EFR3A: variants seen among roughly 807,000 people sequenced by gnomAD.
EFR3A encodes protein EFR3 homolog A.
A neutral mutation model predicts 104.4 loss-of-function variants in EFR3A; 76 were observed. That is an observed-to-expected ratio of 0.73 (90% CI 0.60 to 0.88). The LOEUF (loss-of-function observed/expected upper bound fraction) is 0.88, where lower values mean the gene tolerates loss of function less well. EFR3A is among the 40% of genes least tolerant of loss of function. The pLI is 0.00. For synonymous variants in EFR3A, 330 were observed against 330.0 expected (o/e 1.00, Z 0.00); for missense variants, 985 against 1,012.5 (o/e 0.97, Z 0.37).
intron 7 of EFR3A, among the ~76,000 whole-genome samples, chr8:131,956,418 A>G (rs970538914): frequency 4.6e-5 from 7 of 152,160 alleles, no homozygotes; most frequent in South Asian, 2.1e-4. Flanking sequence ...CCTCCAGGCA[A>G]AATATGTTAA....
chr8:131,984,940 T>C lies in EFR3A; in HGVS notation c.1749T>C (p.Ile583=). The C allele has an allele frequency of 6.2e-7, 1 of 1,613,422 alleles. No homozygotes were observed. Residue 583 remains isoleucine, a synonymous_variant, in exon 16 of 23, where the codon ATT becomes ATC. Coordinates refer to ENST00000254624, the MANE Select transcript of EFR3A (RefSeq NM_015137.6). ...RLAIALQDSA[I]INEDNLPMFH... ...GTTTCTTATTAAAGGACAGTGCAAT[T>C]ATCAATGAGGATAATTTGCCAATGT... is the stretch of plus-strand genomic sequence containing the variant.
chr8:131,933,656 A>G (rs1420366560), intron 1 of EFR3A, among the ~76,000 whole-genome samples: 1 of 152,110 alleles, frequency 6.6e-6, no homozygotes, highest in Non-Finnish European at 1.5e-5. Context: ...ATATACAGTA[A>G]AGTTAAATTG....
chr8:131,932,777 A>T (rs768476433), intron 1 of EFR3A, among the ~76,000 whole-genome samples: 7 of 152,136 alleles, frequency 4.6e-5, no homozygotes, highest in Non-Finnish European at 1.0e-4. Flanking sequence ...TATTTTTGCC[A>T]ACAAGTGCTT....
chr8:131,914,117 T>A (rs1368066241), intron 1 of EFR3A, among the ~76,000 whole-genome samples: 2 of 152,212 alleles, frequency 1.3e-5, no homozygotes, highest in Non-Finnish European at 2.9e-5. Flanking sequence ...CTGCTGCAGC[T>A]GGCTCTAGAA....
At chr8:131,961,469 A>C (rs1010211293) in intron 8 of EFR3A, among the ~76,000 whole-genome samples, 59 of 152,354 alleles carry the variant, frequency 3.9e-4, no homozygotes, top group African/African-American at 1.0e-3. Context: ...CAGTGATGGA[A>C]GATCAAATGA....
At chr8:132,007,490 T>G (rs1026427270) in intron 22 of EFR3A, among the ~76,000 whole-genome samples, 1 of 151,900 alleles carries the variant, frequency 6.6e-6, no homozygotes, top group Non-Finnish European at 1.5e-5. Context: ...AAAGGAGAGA[T>G]ATACCATGTT....
At position 132,012,237 on chromosome 8, in the gene EFR3A, T is replaced by TA. The variant is rs1480658910; in HGVS notation, c.*1348dup. 2.6e-5 allele frequency: 4 copies of TA among 152,190 alleles called. No homozygotes were observed. Among genetic ancestry groups the TA allele is most frequent in the Non-Finnish European group, 5.9e-5 (4 of 68,030 alleles). The allele number at this position is 152,190 out of a possible 1,614,324, so 9.4% of individuals were successfully genotyped here. A position where few individuals can be genotyped will look rare whatever the true frequency, so the allele number is the denominator to read the frequency against. ...TTAATTTTTGGCTTTTGTTTTTGTT[T>TA]AAAAAATTGCAGTGAAGAATGGGAT... On this transcript the variant is annotated 3_prime_UTR_variant, in exon 23 of 23. Coordinates refer to ENST00000254624, the MANE Select transcript of EFR3A (RefSeq NM_015137.6).
Position 131,938,251 on chromosome 8 carries a change from A to C in EFR3A, c.11-2248A>C, listed in dbSNP as rs936733686. On this transcript the variant is annotated intron_variant, in intron 1 of 22. Transcript: ENST00000254624. Reference sequence around the variant, plus strand: ...TGAAGGACTATGTTCAGGTACCTGCAGCTGAACTCGAAAAGCCTTATGAAT... The same window carrying C: ...TGAAGGACTATGTTCAGGTACCTGCCGCTGAACTCGAAAAGCCTTATGAAT... The C allele has an allele frequency of 7.3e-5, 29 of 397,912 alleles. No individual in the cohort carries two copies. In the East Asian group the frequency reaches 1.0e-3, roughly 14 times the overall value. 24.6% of individuals were successfully genotyped at this position (397,912 alleles called of 1,614,324 possible).
intron 13 of EFR3A, 57 bp from the exon 14 acceptor site, chr8:131,979,287 GAT>G (rs1820481024): frequency 6.4e-6 from 8 of 1,250,352 alleles, no homozygotes; most frequent in Middle Eastern, 2.1e-4. Flanking sequence ...TTCCATATAA[GAT>G]GTGATATTGT....
intron 8 of EFR3A, among the ~76,000 whole-genome samples, chr8:131,964,766 C>T (rs970909181): frequency 2.6e-5 from 4 of 152,298 alleles, no homozygotes; most frequent in African/African-American, 7.2e-5. Flanking sequence ...CAAGTCAATG[C>T]TAAGCCAAAG....
At chr8:131,984,353 C>T (rs1820770721) in intron 15 of EFR3A, 53 bp downstream of exon 15, 2 of 1,418,028 alleles carry the variant, frequency 1.4e-6, no homozygotes, top group South Asian at 1.7e-5. Context: ...AAGCAGACAA[C>T]ATCTTTGAAA....
At chr8:132,007,505 G>A (rs1395745856) in intron 22 of EFR3A, among the ~76,000 whole-genome samples, 1 of 151,820 alleles carries the variant, frequency 6.6e-6, no homozygotes, top group African/African-American at 2.4e-5. Context: ...CATGTTCATG[G>A]ACTGAAGGAT....
At chr8:132,001,875 G>T in intron 20 of EFR3A, 68 bp downstream of exon 20, 1 of 1,325,316 alleles carries the variant, frequency 7.5e-7, no homozygotes, top group South Asian at 1.2e-5. Context: ...TTTTTTCGAT[G>T]ACAGAATACG....
chr8:132,002,639 G>A lies in EFR3A; in HGVS notation c.2243G>A (p.Arg748Lys). Residue 748 changes from arginine to lysine, a missense_variant, in exon 21 of 23, where the codon AGG (arginine) becomes AAG (lysine). By Grantham distance (26) the Arg-to-Lys change is conservative. Transcript: ENST00000254624. Reference protein sequence around the residue: ...SGMEEQEKEKRRLVIEKFQKA... With the variant: ...SGMEEQEKEKKRLVIEKFQKA... ...ATGGAAGAACAGGAAAAGGAAAAGA[G>A]GCGTCTTGTGATAGAGAAATTTCAG... 1.2e-6 allele frequency: 2 copies of A among 1,613,776 alleles called. No individual in the cohort carries two copies. The highest frequency in any genetic ancestry group is 1.7e-6 in the Non-Finnish European group (2 of 1,179,730).
chr8:131,909,585 T>A (rs1816415163), intron 1 of EFR3A, among the ~76,000 whole-genome samples: 1 of 152,132 alleles, frequency 6.6e-6, no homozygotes, highest in Non-Finnish European at 1.5e-5. Flanking sequence ...ATGATTGTGT[T>A]CTTTGCAGGC....
intron 1 of EFR3A, 75 bp downstream of exon 1, chr8:131,904,397 C>G (rs1816135655): frequency 1.6e-5 from 19 of 1,223,204 alleles, no homozygotes; most frequent in Non-Finnish European, 1.8e-5. Context: ...GGTACTCCTC[C>G]CGGGCGGCTG....
intron 1 of EFR3A, among the ~76,000 whole-genome samples, chr8:131,905,719 T>C (rs1300829116): frequency 2.6e-5 from 4 of 152,246 alleles, no homozygotes; most frequent in African/African-American, 9.6e-5. Flanking sequence ...TCTAAATTCA[T>C]GTTCACGTTA....
At chr8:131,938,232 A>G (rs1293336930) in intron 1 of EFR3A, 3 of 397,832 alleles carry the variant, frequency 7.5e-6, no homozygotes, top group South Asian at 1.3e-4. Context: ...AACATGAAGG[A>G]CTATGTTCAG....
rs560951264 is a variant in EFR3A, at chr8:131,918,828, A to T, written c.10+14506A>T. 1.2e-4 allele frequency among the ~76,000 whole-genome samples: 19 copies of T among 152,330 alleles called. No individual in the cohort carries two copies. In the East Asian group the frequency reaches 1.7e-3, roughly 14 times the overall value. ...GACTAATGAGGAAATAAAATTTTTT[A>T]AAAAATTTAAGTAGTTAGGGTTTTA... On this transcript the variant is annotated intron_variant, in intron 1 of 22. Coordinates refer to ENST00000254624, the MANE Select transcript of EFR3A (RefSeq NM_015137.6).
Sources: gnomAD v4.1 joint callset for allele counts (sites outside exome capture counted in the v4.1 genomes callset) on GRCh38, gnomAD v4.1.1 for gene constraint, MANE v1.5 for transcripts, NCBI Gene and HGNC (gene_info 2026-07-23, HGNC 2026-07-21) for gene names.